KCNU1: variants seen among roughly 807,000 people sequenced by gnomAD.
KCNU1 encodes potassium channel subfamily U member 1.
Under a neutral mutation model 126.8 loss-of-function variants are expected in KCNU1, and 93 were observed. The observed-to-expected ratio is 0.73, with a 90% CI of 0.62 to 0.87. The LOEUF is 0.87. KCNU1 is among the 40% of genes least tolerant of loss of function. KCNU1 has a pLI of 0.00. For missense variants in KCNU1, 1,330 were observed against 1,367.1 expected, an observed-to-expected ratio of 0.97 and a Z score of 0.43; for synonymous variants, 523 against 494.2, an observed-to-expected ratio of 1.06 and a Z score of -0.77.
chr8:36,904,922 C>T (rs1807563886), intron 19 of KCNU1, among the ~76,000 whole-genome samples: 3 of 152,140 alleles, frequency 2.0e-5, no homozygotes, highest in African/African-American at 4.8e-5. Context: ...GTTGTTTCTG[C>T]AGTGTTAAGC....
intron 25 of KCNU1, among the ~76,000 whole-genome samples, chr8:36,932,255 G>A (rs550599421): frequency 6.6e-6 from 1 of 152,196 alleles, no homozygotes; most frequent in South Asian, 2.1e-4. Flanking sequence ...GTGTATATAA[G>A]CCCAGGAAAC....
At chr8:36,826,598 CT>C (rs1563279341) in intron 10 of KCNU1, among the ~76,000 whole-genome samples, 2 of 152,100 alleles carry the variant, frequency 1.3e-5, no homozygotes, top group Non-Finnish European at 1.5e-5. Flanking sequence ...TTGTTTTGAC[CT>C]AGATTCCAGA....
Position 36,920,804 on chromosome 8 carries a change from G to A in KCNU1, c.2597-1686G>A, listed in dbSNP as rs565287771. On this transcript the variant is annotated intron_variant, in intron 23 of 26. Transcript: ENST00000399881. ...AATGTAGAAGTGCACAGGAGATGTG[G>A]ATTGATATTAGTCATACCTTGCTCA... Among the ~76,000 whole-genome samples the A allele has an allele frequency of 1.8e-4, 28 of 152,286 alleles. 1 individual carries two copies. Among genetic ancestry groups the A allele is most frequent in the African/African-American group, 9.6e-5 (4 of 41,566 alleles).
intron 19 of KCNU1, among the ~76,000 whole-genome samples, chr8:36,891,699 T>C (rs1294514618): frequency 6.6e-6 from 1 of 152,152 alleles, no homozygotes; most frequent in Non-Finnish European, 1.5e-5. Context: ...TCTCCATTTC[T>C]TCATCATTTT....
Position 36,806,174 on chromosome 8 carries a change from C to T in KCNU1, c.469-95C>T, listed in dbSNP as rs768681769. 85 of 680,390 alleles carry T rather than the reference C, an allele frequency of 1.2e-4. 1 individual carries two copies. Among genetic ancestry groups the T allele is most frequent in the South Asian group, 1.2e-3 (60 of 49,836 alleles). The allele number at this position is 680,390 out of a possible 1,614,324, so 42.1% of individuals were successfully genotyped here. A position where few individuals can be genotyped will look rare whatever the true frequency, so the allele number is the denominator to read the frequency against. ...AAATAGAAGGAGATCAAGGCTTCAG[C>T]TGATAAGTAAAATGCAGCTGAATAA... is the stretch of plus-strand genomic sequence containing the variant. On this transcript the variant is annotated intron_variant, in intron 4 of 26. Transcript: ENST00000399881.
At chr8:36,919,428 C>CAAA (rs10699066) in intron 23 of KCNU1, among the ~76,000 whole-genome samples, 14,765 of 109,064 alleles carry the variant, frequency 0.14, 1,182 homozygotes, top group East Asian at 0.2. Flanking sequence ...CTAAAATAGG[C>CAAA]AAAAAAAAAA....
chr8:36,915,050 G>A (rs16885538), intron 22 of KCNU1, among the ~76,000 whole-genome samples: 29,306 of 152,140 alleles, frequency 0.19, 3,028 homozygotes, highest in Middle Eastern at 0.33. Flanking sequence ...GCCGGCATCA[G>A]AAGCAGATTT....
intron 18 of KCNU1, among the ~76,000 whole-genome samples, chr8:36,860,336 C>T (rs1024121043): frequency 6.6e-6 from 1 of 152,152 alleles, no homozygotes; most frequent in African/African-American, 2.4e-5. Flanking sequence ...CTCAGCCTCC[C>T]AAAATGCTGG....
chr8:36,809,142 G>A (rs1413561102), intron 7 of KCNU1, among the ~76,000 whole-genome samples: 2 of 152,108 alleles, frequency 1.3e-5, no homozygotes, highest in South Asian at 2.1e-4. Context: ...CCAGTTACAG[G>A]ATTTCAGACT....
chr8:36,919,451 C>T (rs1022066132), intron 23 of KCNU1, among the ~76,000 whole-genome samples: 9 of 145,102 alleles, frequency 6.2e-5, no homozygotes, highest in African/African-American at 2.0e-4. Flanking sequence ...AAAAAACTCT[C>T]GAAGAATTAA....
At chr8:36,816,405 T>C (rs1226377857) in intron 9 of KCNU1, among the ~76,000 whole-genome samples, 2 of 152,206 alleles carry the variant, frequency 1.3e-5, no homozygotes, top group African/African-American at 4.8e-5. Flanking sequence ...ACTTAATCCC[T>C]GTCTGCTGTA....
At chr8:36,827,281 G>A (rs1344763749) in intron 10 of KCNU1, among the ~76,000 whole-genome samples, 1 of 152,180 alleles carries the variant, frequency 6.6e-6, no homozygotes, top group Non-Finnish European at 1.5e-5. Flanking sequence ...TTATAAGCTA[G>A]TTTATTCAAT....
Position 36,849,132 on chromosome 8 carries a change from A to G in KCNU1, c.1891+3233A>G, listed in dbSNP as rs371029777. On this transcript the variant is annotated intron_variant, in intron 18 of 26. Transcript: ENST00000399881. Reference sequence around the variant, plus strand: ...AGTCACTCTTCCTTCTCCTCAACCCACAGCCCTGGAAACCACTAGTCTACT... The same window carrying G: ...AGTCACTCTTCCTTCTCCTCAACCCGCAGCCCTGGAAACCACTAGTCTACT... Among the ~76,000 whole-genome samples, 18 of 152,162 alleles carry G rather than the reference A, an allele frequency of 1.2e-4. No individual in the cohort carries two copies. The East Asian group carries it at 2.5e-3, about 21-fold the overall frequency.
chr8:36,797,556 A>G (rs1367251172), intron 2 of KCNU1, among the ~76,000 whole-genome samples: 1 of 152,044 alleles, frequency 6.6e-6, no homozygotes, highest in African/African-American at 2.4e-5. Context: ...TTAAAATTAC[A>G]TTGAAACCTA....
intron 23 of KCNU1, among the ~76,000 whole-genome samples, chr8:36,919,466 A>G (rs966930523): frequency 1.3e-5 from 2 of 151,472 alleles, no homozygotes; most frequent in African/African-American, 4.9e-5. Context: ...AATTAACAGA[A>G]TATGCTGTTA....
intron 18 of KCNU1, among the ~76,000 whole-genome samples, chr8:36,850,007 A>G (rs1805286320): frequency 6.6e-6 from 1 of 152,186 alleles, no homozygotes; most frequent in South Asian, 2.1e-4. Context: ...TTATAAAAAT[A>G]ATGGTCATCC....
At chr8:36,915,589 A>C (rs928245759) in intron 22 of KCNU1, among the ~76,000 whole-genome samples, 2 of 152,248 alleles carry the variant, frequency 1.3e-5, no homozygotes, top group Non-Finnish European at 2.9e-5. Context: ...CAATTAAAGG[A>C]AAATCTAGGA....
chr8:36,845,295 CT>C (rs2130593983), intron 16 of KCNU1, among the ~76,000 whole-genome samples: 1 of 152,320 alleles, frequency 6.6e-6, no homozygotes, highest in East Asian at 1.9e-4. Context: ...GTCGGACCAT[CT>C]CAGATGCATG....
At position 36,815,708 on chromosome 8, in the gene KCNU1, A is replaced by C. The variant is rs1803885383; in HGVS notation, c.995+21A>C. On this transcript the variant is annotated intron_variant, in intron 9 of 26. Coordinates refer to ENST00000399881, the MANE Select transcript of KCNU1 (RefSeq NM_001031836.3). ...AAGAAGTAAGTAGTGTTTTAAGTATAATTTCTACAGTTTAAGAAATTCTAT... is the reference window on the plus strand; with the variant it reads ...AAGAAGTAAGTAGTGTTTTAAGTATCATTTCTACAGTTTAAGAAATTCTAT... The C allele has an allele frequency of 9.7e-6, 13 of 1,347,150 alleles. No individual in the cohort carries two copies. The South Asian group carries it at 1.6e-4, about 17-fold the overall frequency. 83.4% of individuals were successfully genotyped at this position (1,347,150 alleles called of 1,614,324 possible). A position where few individuals can be genotyped will look rare whatever the true frequency, so the allele number is the denominator to read the frequency against.
Sources: allele counts gnomAD v4.1 joint callset (sites outside exome capture counted in the v4.1 genomes callset), GRCh38; gene constraint gnomAD v4.1.1; transcripts MANE v1.5; gene names NCBI Gene and HGNC (gene_info 2026-07-23, HGNC 2026-07-21).